The following ESR1 variants were observed in gnomAD, a reference collection of about 807,000 sequenced individuals.
ESR1 encodes the protein estrogen receptor.
A neutral mutation model predicts 52.7 loss-of-function variants in ESR1; 12 were observed. That is an observed-to-expected ratio of 0.23 (90% CI 0.15 to 0.37). ESR1 has a LOEUF of 0.37. Among genes scored for constraint, ESR1 ranks in the 10% least tolerant of loss-of-function variants. The pLI is 1.00. For missense variants in ESR1, 584 were observed against 779.7 expected, an observed-to-expected ratio of 0.75 and a Z score of 2.99; for synonymous variants, 305 against 316.8, an observed-to-expected ratio of 0.96 and a Z score of 0.39.
chr6:152,115,461 T>G (rs1232314031), intron 6 of ESR1, among the ~76,000 whole-genome samples: 1 of 152,064 alleles, frequency 6.6e-6, no homozygotes, highest in South Asian at 2.1e-4. Context: ...ATGACAAAAA[T>G]AATTCCAGAT....
At chr6:152,006,893 T>C (rs994009454) in intron 4 of ESR1, among the ~76,000 whole-genome samples, 1 of 152,078 alleles carries the variant, frequency 6.6e-6, no homozygotes, top group African/African-American at 2.4e-5. Context: ...TTTTTGTAAA[T>C]AGCACTCCTC....
chr6:152,105,324 G>C (rs2051050367), downstream of ESR1, among the ~76,000 whole-genome samples: 1 of 152,140 alleles, frequency 6.6e-6, no homozygotes. Flanking sequence ...AGTCTTGTGG[G>C]ACTGAGCCCT....
chr6:151,856,697 A>T (rs1787904354), intron 2 of ESR1, among the ~76,000 whole-genome samples: 1 of 152,178 alleles, frequency 6.6e-6, no homozygotes, highest in Non-Finnish European at 1.5e-5. Context: ...GATAATAGCA[A>T]AATATGAATC....
chr6:151,820,628 G>T (rs1267455127), intron 1 of ESR1, among the ~76,000 whole-genome samples: 1 of 152,146 alleles, frequency 6.6e-6, no homozygotes, highest in Admixed American at 6.5e-5. Flanking sequence ...GAAATTGACA[G>T]GATTTTTCTG....
intron 5 of ESR1, among the ~76,000 whole-genome samples, chr6:152,052,644 C>G (rs1302294108): frequency 1.3e-5 from 2 of 151,918 alleles, no homozygotes; most frequent in Admixed American, 1.3e-4. Context: ...TCTCACAGCA[C>G]AGAGGAAAAG....
intron 4 of ESR1, among the ~76,000 whole-genome samples, chr6:152,004,817 G>A (rs2042212078): frequency 6.6e-6 from 1 of 151,958 alleles, no homozygotes; most frequent in Non-Finnish European, 1.5e-5. Context: ...TAGATATCAT[G>A]ACCTTCATCA....
At chr6:151,763,886 C>T (rs1455235249) in intron 2 of ESR1, among the ~76,000 whole-genome samples, 1 of 152,074 alleles carries the variant, frequency 6.6e-6, no homozygotes, top group East Asian at 1.9e-4. Context: ...AACTTACCTG[C>T]GCCAGAGGAG....
chr6:152,090,122 G>A (rs551579547), intron 6 of ESR1, among the ~76,000 whole-genome samples: 69 of 152,202 alleles, frequency 4.5e-4, no homozygotes, highest in African/African-American at 1.6e-3. Context: ...GGTGTTCATC[G>A]GACGGTCAGC....
intron 6 of ESR1, among the ~76,000 whole-genome samples, chr6:152,090,490 C>T (rs1397042389): frequency 6.6e-6 from 1 of 152,194 alleles, no homozygotes; most frequent in Non-Finnish European, 1.5e-5. Context: ...CTTACTTCTC[C>T]AGAGACATTT....
At chr6:151,976,494 AC>A (rs1216575473) in intron 4 of ESR1, among the ~76,000 whole-genome samples, 2 of 151,946 alleles carry the variant, frequency 1.3e-5, no homozygotes, top group Non-Finnish European at 2.9e-5. Context: ...TGCCTATAAA[AC>A]CTTTTTGGTT....
rs570646145 is a variant in ESR1, at chr6:152,119,963, G to A, written c.851-5303G>A. ...TTCTGTTGTTTAAATCTTCAAAAAT[G>A]TAATGGAAATGGATGTTCTACACCC... On this transcript the variant is annotated intron_variant, in intron 6 of 6. Coordinates refer to the ESR1 transcript ENST00000427531. Among the ~76,000 whole-genome samples the A allele has an allele frequency of 6.6e-5, 10 of 152,296 alleles. No homozygotes were observed. The East Asian group carries it at 1.9e-3, about 29-fold the overall frequency.
chr6:151,986,925 G>A (rs544893634), intron 4 of ESR1, among the ~76,000 whole-genome samples: 14 of 151,926 alleles, frequency 9.2e-5, no homozygotes, highest in South Asian at 2.1e-4. Flanking sequence ...GTGTGTGCAC[G>A]CGAGCACGTG....
intron 1 of ESR1, among the ~76,000 whole-genome samples, chr6:151,664,136 G>T (rs1219933374): frequency 6.6e-6 from 1 of 152,152 alleles, no homozygotes; most frequent in African/African-American, 2.4e-5. Flanking sequence ...AAAAGAAAAG[G>T]CTGAAGTGGT....
intron 3 of ESR1, among the ~76,000 whole-genome samples, chr6:151,895,803 G>A (rs749469804): frequency 3.9e-5 from 6 of 152,070 alleles, no homozygotes; most frequent in South Asian, 4.2e-4. Flanking sequence ...CTAGTATTTC[G>A]TTAAGGATAT....
At chr6:152,014,929 T>C (rs1199132419) in intron 5 of ESR1, among the ~76,000 whole-genome samples, 2 of 152,088 alleles carry the variant, frequency 1.3e-5, no homozygotes, top group East Asian at 3.9e-4. Context: ...TAGCCGGGCA[T>C]GGTGGCTCAT....
At chr6:151,694,414 A>G (rs1028012683) in intron 1 of ESR1, among the ~76,000 whole-genome samples, 41 of 152,226 alleles carry the variant, frequency 2.7e-4, no homozygotes, top group African/African-American at 9.7e-4. Context: ...CATCCGAGTC[A>G]CAGAAGTTTT....
chr6:151,701,529 C>CAAAAAAAA (rs57589542), intron 1 of ESR1, among the ~76,000 whole-genome samples: 5 of 89,410 alleles, frequency 5.6e-5, no homozygotes, highest in African/African-American at 9.4e-5. Flanking sequence ...CACTACATCT[C>CAAAAAAAA]AAAAAAAAAA....
chr6:152,123,899 A>T (rs902745981), intron 6 of ESR1, among the ~76,000 whole-genome samples: 4 of 152,248 alleles, frequency 2.6e-5, no homozygotes, highest in African/African-American at 9.6e-5. Context: ...TTAATTTCTG[A>T]AGACAGACTA....
intron 4 of ESR1, among the ~76,000 whole-genome samples, chr6:151,999,107 C>T (rs1460948014): frequency 5.3e-5 from 8 of 152,056 alleles, no homozygotes; most frequent in Non-Finnish European, 1.0e-4. Flanking sequence ...AGCTTCATAC[C>T]TCAGGCAAAT....
Sources: gnomAD v4.1 joint callset for allele counts (sites outside exome capture counted in the v4.1 genomes callset) on GRCh38, gnomAD v4.1.1 for gene constraint, MANE v1.5 for transcripts, NCBI Gene and HGNC (gene_info 2026-07-23, HGNC 2026-07-21) for gene names.